The following FCSK variants were observed in gnomAD, a reference collection of about 807,000 sequenced individuals.
FCSK encodes fucose kinase.
Under a neutral mutation model 122.5 loss-of-function variants are expected in FCSK, and 123 were observed. The observed-to-expected ratio is 1.00, with a 90% CI of 0.87 to 1.17. The LOEUF is 1.17. FCSK is among the 50% of genes most tolerant of loss of function. FCSK has a pLI of 0.00. For missense variants in FCSK, 1,366 were observed against 1,450.4 expected, an observed-to-expected ratio of 0.94 and a Z score of 0.95; for synonymous variants, 620 against 625.5, an observed-to-expected ratio of 0.99 and a Z score of 0.13.
chr16:70,463,367 G>T, intron 2 of FCSK, 95 bp downstream of exon 2: 1 of 1,108,834 alleles, frequency 9.0e-7, no homozygotes, highest in Non-Finnish European at 1.3e-6. Flanking sequence ...GCCAACCTGG[G>T]TTCAAACCCA....
rs766134440 is a variant in FCSK at position 70,463,686 on chromosome 16, A to G, written c.146A>G (p.Asp49Gly). 1 of 1,613,094 alleles carries G rather than the reference A, an allele frequency of 6.2e-7. No homozygotes were observed. The highest frequency in any genetic ancestry group is 8.5e-7 in the Non-Finnish European group (1 of 1,180,012). Residue 49 changes from aspartate to glycine, a missense_variant, in exon 3 of 24, where the codon GAC becomes GGC. Physicochemically the swap from Asp to Gly is moderately conservative, Grantham distance 94. Coordinates refer to ENST00000288078, the MANE Select transcript of FCSK (RefSeq NM_145059.3). ...GGGACGCTGTTACTGGCCGTGGAGGACCCAGAGAAGCGTGTGGGCAGCGGA... is the reference window on the plus strand; with the variant it reads ...GGGACGCTGTTACTGGCCGTGGAGGGCCCAGAGAAGCGTGTGGGCAGCGGA... Reference protein sequence around the residue: ...PAGTLLLAVEDPEKRVGSGGA... With the variant: ...PAGTLLLAVEGPEKRVGSGGA...
chr16:70,464,595 T>C (rs1003208265), intron 3 of FCSK, among the ~76,000 whole-genome samples: 2 of 131,648 alleles, frequency 1.5e-5, no homozygotes, highest in Non-Finnish European at 3.0e-5. Context: ...GAGGTTGCAG[T>C]GAGCTGAGAT....
rs2048788091 is a variant in FCSK at position 70,475,727 on chromosome 16, G to A, written c.2601G>A (p.Leu867=). 1 of 1,603,274 alleles carries A rather than the reference G, an allele frequency of 6.2e-7. No individual in the cohort carries two copies. The highest frequency in any genetic ancestry group is 1.7e-5 in the Admixed American group (1 of 58,988). The change falls in exon 20 of 24, where the codon CTG becomes CTA. Residue 867 remains leucine (L), a synonymous_variant. Transcript: ENST00000288078. ...GCCGGGTGGTGGGCACGGAAGCCCT[G>A]ATCCACGCAGTGCTGCACCTGGAGC... The part of the protein sequence containing the change: ...AAGRVVGTEA[L]IHAVLHLEQV...
At position 70,471,039 on chromosome 16, in the gene FCSK, T is replaced by G; in HGVS notation, c.1137T>G (p.Gly379=). Residue 379 remains glycine (G), a synonymous_variant, in exon 12 of 24, where the codon GGT becomes GGG. Coordinates refer to ENST00000288078, the MANE Select transcript of FCSK (RefSeq NM_145059.3). ...TGCTGGAGGGCCCTGTCCAGCTGGG[T>G]CCTGGGAGCGTCCTGCAGCACTGCC... ...SCLLEGPVQL[G]PGSVLQHCHL... The G allele has an allele frequency of 1.2e-6, 2 of 1,603,222 alleles. No individual in the cohort carries two copies. Among genetic ancestry groups the G allele is most frequent in the Non-Finnish European group, 1.7e-6 (2 of 1,177,060 alleles).
At chr16:70,457,019 T>TAA (rs76847852) in intron 1 of FCSK, among the ~76,000 whole-genome samples, 3 of 146,484 alleles carry the variant, frequency 2.0e-5, no homozygotes, top group Non-Finnish European at 3.0e-5. Flanking sequence ...GACTCCATCT[T>TAA]AAAAAAAAAA....
intron 1 of FCSK, among the ~76,000 whole-genome samples, chr16:70,459,572 G>GA (rs2048198263): frequency 6.6e-6 from 1 of 151,002 alleles, no homozygotes; most frequent in African/African-American, 2.4e-5. Context: ...AGATACTCTG[G>GA]AAAAAAAGTT....
At chr16:70,467,015 C>G in intron 6 of FCSK, 61 bp downstream of exon 6, 2 of 1,509,366 alleles carry the variant, frequency 1.3e-6, no homozygotes, top group South Asian at 1.1e-5. Flanking sequence ...GAAGCCAGCT[C>G]TGCCCTTCTT....
rs761431266 is a variant in FCSK at position 70,479,164 on chromosome 16, C to T, written c.2930-16C>T. On this transcript the variant is annotated splice_polypyrimidine_tract_variant and intron_variant, in intron 22 of 23. Transcript: ENST00000288078. ...ATCTTGGCCCAGGCACGTCACTCCC[C>T]TCTGCCCCACCTCAGGAAGCCTGCC... The T allele has an allele frequency of 3.1e-5, 49 of 1,604,168 alleles. No individual in the cohort carries two copies. The highest frequency in any genetic ancestry group is 3.9e-5 in the Non-Finnish European group (46 of 1,173,322).
Position 70,458,077 on chromosome 16 carries a change from T to TA in FCSK, c.-23+3459dup, listed in dbSNP as rs10600165. The TA allele has an allele frequency of 6.1e-3, 879 of 144,178 alleles. 5 individuals carry two copies. The highest frequency in any genetic ancestry group is 0.011 in the African/African-American group (461 of 40,516). The allele number at this position is 144,178 out of a possible 1,614,324, so 8.9% of individuals were successfully genotyped here. ...GCAGGGTCTAAGGGTGTTGTCAAGA[T>TA]AAAAAAAAAAAATCACAGCACCTTA... On this transcript the variant is annotated intron_variant, in intron 1 of 23. Coordinates refer to ENST00000288078, the MANE Select transcript of FCSK (RefSeq NM_145059.3).
At chr16:70,462,449 C>T (rs2048295527) in intron 1 of FCSK, among the ~76,000 whole-genome samples, 1 of 152,210 alleles carries the variant, frequency 6.6e-6, no homozygotes, top group Admixed American at 6.6e-5. Flanking sequence ...CCTTAGCTTC[C>T]TGAGTAGCTG....
At position 70,473,042 on chromosome 16, in the gene FCSK, G is replaced by A. The variant is rs1472651028; in HGVS notation, c.1466G>A (p.Arg489His). Residue 489 changes from arginine (R) to histidine (H), a missense_variant, in exon 15 of 24, where the codon CGC becomes CAC. Arg to His is a conservative substitution (Grantham distance 29). Transcript: ENST00000288078. This position sits in a 1 kb window ranked among gnomAD's most constrained non-coding sequence, Gnocchi z 4.9. ...GCAGAGTACTGCCTTCCCAGCGCCCGCCTCTTTCCTGTGCTCCACCCCTCG... is the reference window on the plus strand; with the variant it reads ...GCAGAGTACTGCCTTCCCAGCGCCCACCTCTTTCCTGTGCTCCACCCCTCG... ...LPAEYCLPSA[R>H]LFPVLHPSRE... The A allele has an allele frequency of 3.1e-6, 5 of 1,590,152 alleles. No individual in the cohort carries two copies. Among genetic ancestry groups the A allele is most frequent in the East Asian group, 4.6e-5 (2 of 43,322 alleles).
chr16:70,467,005 G>T, intron 6 of FCSK, 51 bp downstream of exon 6: 1 of 1,562,674 alleles, frequency 6.4e-7, no homozygotes. Context: ...GCCACAGCAA[G>T]AAGCCAGCTC....
chr16:70,465,782 TC>T (rs1276186534), intron 4 of FCSK, among the ~76,000 whole-genome samples: 1 of 151,798 alleles, frequency 6.6e-6, no homozygotes, highest in African/African-American at 2.4e-5. Flanking sequence ...TGAAACTCTG[TC>T]TTTACTAAAA....
At position 70,461,472 on chromosome 16, in the gene FCSK, G is replaced by C. The variant is rs1038297668; in HGVS notation, c.-22-1697G>C. Among the ~76,000 whole-genome samples, 5 of 152,204 alleles carry C rather than the reference G, an allele frequency of 3.3e-5. 1 individual carries two copies. The highest frequency in any genetic ancestry group is 6.5e-5 in the Admixed American group (1 of 15,272). ...CTGGCAGGTTGGGGGAGACAGGGGT[G>C]GGGGTGAAGCCAAATCTTTGGCCTT... is the stretch of plus-strand genomic sequence containing the variant. On this transcript the variant is annotated intron_variant, in intron 1 of 23. Coordinates refer to ENST00000288078, the MANE Select transcript of FCSK (RefSeq NM_145059.3).
Position 70,466,287 on chromosome 16 carries a change from C to T in FCSK, c.411+30C>T, listed in dbSNP as rs373556729. Reference sequence around the variant, plus strand: ...GGCTGGGTGGTGGCCCGTGGTGCCTCGTCCCAGATAGAGCCACTTCCCTCC... The same window carrying T: ...GGCTGGGTGGTGGCCCGTGGTGCCTTGTCCCAGATAGAGCCACTTCCCTCC... On this transcript the variant is annotated intron_variant, in intron 5 of 23. Coordinates refer to ENST00000288078, the MANE Select transcript of FCSK (RefSeq NM_145059.3). 51 of 1,611,978 alleles carry T rather than the reference C, an allele frequency of 3.2e-5. 1 individual carries two copies. The highest frequency in any genetic ancestry group is 2.1e-4 in the South Asian group (19 of 91,028).
At position 70,473,267 on chromosome 16, in the gene FCSK, C is replaced by T; in HGVS notation, c.1691C>T (p.Ala564Val). ...CATAAGGCGCGGCACGTGCTGGAGG[C>T]CCGGCAGGACCTCAGCCTGCGCCCG... ...ALHKARHVLE[A>V]RQDLSLRPLI... The change falls in exon 15 of 24, where the codon GCC becomes GTC. Residue 564 changes from alanine to valine, a missense_variant. Transcript: ENST00000288078. This position sits in a 1 kb window ranked among gnomAD's most constrained non-coding sequence, Gnocchi z 4.9. The T allele has an allele frequency of 6.5e-7, 1 of 1,530,160 alleles. No individual in the cohort carries two copies. Among genetic ancestry groups the T allele is most frequent in the Non-Finnish European group, 8.8e-7 (1 of 1,141,548 alleles). 94.8% of individuals were successfully genotyped at this position (1,530,160 alleles called of 1,614,324 possible).
chr16:70,473,878 G>A lies in FCSK; in HGVS notation c.1778-251G>A, dbSNP rs2048711313. Among the ~76,000 whole-genome samples, 1 of 152,178 alleles carries A rather than the reference G, an allele frequency of 6.6e-6. No individual in the cohort carries two copies. Among genetic ancestry groups the A allele is most frequent in the Non-Finnish European group, 1.5e-5 (1 of 68,024 alleles). On this transcript the variant is annotated intron_variant, in intron 15 of 23. Transcript: ENST00000288078. This position sits in a 1 kb window ranked among gnomAD's most constrained non-coding sequence, Gnocchi z 4.9. ...TGAGCCCAGGTGGTTTGAGCCCAGA[G>A]CCTGAGCTCTTCACCACTATGGGTG...
At chr16:70,457,033 G>T (rs967905077) in intron 1 of FCSK, among the ~76,000 whole-genome samples, 1 of 151,760 alleles carries the variant, frequency 6.6e-6, no homozygotes, top group South Asian at 2.1e-4. Flanking sequence ...AAAAAAAATA[G>T]ATTAAGTAAC....
chr16:70,471,542 T>C (rs1295202405), intron 13 of FCSK, among the ~76,000 whole-genome samples, 190 bp downstream of exon 13: 1 of 151,844 alleles, frequency 6.6e-6, no homozygotes, highest in African/African-American at 2.4e-5. Flanking sequence ...ACCAGCAGAG[T>C]CTCCACAGGC....
Sources: gnomAD v4.1 joint callset for allele counts (sites outside exome capture counted in the v4.1 genomes callset) on GRCh38, gnomAD v4.1.1 for gene constraint, Gnocchi (gnomAD v3.1) non-coding constraint, MANE v1.5 for transcripts, NCBI Gene and HGNC (gene_info 2026-07-23, HGNC 2026-07-21) for gene names.